The following AGMO variants were observed in gnomAD, a reference collection of about 807,000 sequenced individuals.
AGMO encodes glyceryl-ether monooxygenase.
AGMO carries 75 observed loss-of-function variants against 60.2 expected under a neutral mutation model. That is an observed-to-expected ratio of 1.25 (90% CI 1.03 to 1.51). AGMO has a LOEUF of 1.51. Ranked by LOEUF, AGMO falls within the 40% of genes most tolerant of loss-of-function variation. The pLI is 0.00. For synonymous variants in AGMO, 261 were observed against 177.1 expected (o/e 1.47, Z -3.76); for missense variants, 763 against 525.5 (o/e 1.45, Z -4.42).
chr7:15,352,272 C>G (rs1174248263), intron 12 of AGMO, among the ~76,000 whole-genome samples: 2 of 152,118 alleles, frequency 1.3e-5, no homozygotes, highest in African/African-American at 4.8e-5. Context: ...GGCCTCCCTA[C>G]TTGTCCTGCC....
chr7:15,545,308 A>C (rs547203915), intron 2 of AGMO, among the ~76,000 whole-genome samples: 39 of 152,258 alleles, frequency 2.6e-4, no homozygotes, highest in East Asian at 1.3e-3. Context: ...AGAATTCTTT[A>C]TAAAGGGAAT....
chr7:15,541,761 T>G (rs1784636787), intron 3 of AGMO, among the ~76,000 whole-genome samples: 1 of 152,168 alleles, frequency 6.6e-6, no homozygotes, highest in South Asian at 2.1e-4. Flanking sequence ...ACAACAAATC[T>G]AGCAATGATT....
the AGMO span, among the ~76,000 whole-genome samples, chr7:15,133,200 G>C: frequency 6.6e-6 from 1 of 152,168 alleles, no homozygotes; most frequent in Non-Finnish European, 1.5e-5. Context: ...GTGGGAAAGA[G>C]TATGCTAGGA....
the AGMO span, among the ~76,000 whole-genome samples, chr7:15,126,227 T>A: frequency 6.6e-6 from 1 of 152,128 alleles, no homozygotes; most frequent in African/African-American, 2.4e-5. Context: ...ACTCTTTAAG[T>A]CTGTTTTTTA....
chr7:15,352,630 C>G (rs1158327726), intron 12 of AGMO, among the ~76,000 whole-genome samples: 1 of 151,816 alleles, frequency 6.6e-6, no homozygotes, highest in Non-Finnish European at 1.5e-5. Context: ...ACATTCTGGC[C>G]TTGAGTTGAT....
intron 12 of AGMO, among the ~76,000 whole-genome samples, chr7:15,246,832 G>T (rs1490464319): frequency 6.6e-6 from 1 of 152,014 alleles, no homozygotes; most frequent in Admixed American, 6.6e-5. Flanking sequence ...CTTCTAAAAA[G>T]CATATTCTAT....
chr7:15,364,497 T>A (rs1220259803), intron 12 of AGMO, among the ~76,000 whole-genome samples: 6 of 152,050 alleles, frequency 3.9e-5, no homozygotes, highest in Non-Finnish European at 8.8e-5. Context: ...TATTAATGAA[T>A]AATAATTTCA....
At chr7:15,416,610 C>T (rs1016657431) in intron 5 of AGMO, among the ~76,000 whole-genome samples, 2 of 152,106 alleles carry the variant, frequency 1.3e-5, no homozygotes, top group African/African-American at 4.8e-5. Flanking sequence ...AAGAATGAAA[C>T]TCTATTCAGG....
chr7:15,372,124 T>G lies in AGMO; in HGVS notation c.1075-5902A>C, dbSNP rs114605865. 9.6e-3 allele frequency among the ~76,000 whole-genome samples: 1,438 copies of G among 150,388 alleles called. 28 individuals carry two copies. The highest frequency in any genetic ancestry group is 0.035 in the African/African-American group (1,405 of 40,590). On this transcript the variant is annotated intron_variant, in intron 10 of 12. Transcript: ENST00000342526. ...TTCTATATAGTATCCTTTGATAGACTACTAAGGGAGATAATCAGTTGAACG... is the reference window on the plus strand; with the variant it reads ...TTCTATATAGTATCCTTTGATAGACGACTAAGGGAGATAATCAGTTGAACG...
intron 12 of AGMO, among the ~76,000 whole-genome samples, chr7:15,316,554 T>C (rs1381361113): frequency 6.6e-6 from 1 of 152,134 alleles, no homozygotes; most frequent in Admixed American, 6.6e-5. Flanking sequence ...CATCTTTGCT[T>C]GGCCAAGAAT....
At chr7:15,236,678 A>ATATATATTTATATAT (rs1782431307) in intron 12 of AGMO, among the ~76,000 whole-genome samples, 3 of 152,116 alleles carry the variant, frequency 2.0e-5, no homozygotes, top group African/African-American at 2.4e-5. Flanking sequence ...ATATATGTTG[A>ATATATATTTATATAT]GGATATATGA....
chr7:15,493,878 G>A (rs1025510437), intron 3 of AGMO, among the ~76,000 whole-genome samples: 3 of 152,104 alleles, frequency 2.0e-5, no homozygotes, highest in Non-Finnish European at 4.4e-5. Flanking sequence ...GGAGTACATA[G>A]TAGGTATAAA....
At chr7:15,556,077 A>C (rs1785125101) in intron 2 of AGMO, among the ~76,000 whole-genome samples, 1 of 152,094 alleles carries the variant, frequency 6.6e-6, no homozygotes, top group Middle Eastern at 3.4e-3. Flanking sequence ...TTCATTTGTT[A>C]GGTCTGATTT....
chr7:15,547,048 T>C (rs889958233), intron 2 of AGMO, among the ~76,000 whole-genome samples: 1 of 152,196 alleles, frequency 6.6e-6, no homozygotes, highest in Non-Finnish European at 1.5e-5. Context: ...TAACAATTTC[T>C]CTAAAATAGG....
chr7:15,547,986 C>T (rs577533723), intron 2 of AGMO, among the ~76,000 whole-genome samples: 42 of 152,238 alleles, frequency 2.8e-4, no homozygotes, highest in African/African-American at 9.6e-4. Flanking sequence ...GGCAGACTGC[C>T]TCCTCAAGTG....
intron 3 of AGMO, among the ~76,000 whole-genome samples, chr7:15,463,441 C>T (rs755434280): frequency 6.6e-6 from 1 of 152,120 alleles, no homozygotes; most frequent in Non-Finnish European, 1.5e-5. Flanking sequence ...CACACTCACC[C>T]AAACTGGCGA....
chr7:15,393,314 C>A (rs1299225524), intron 6 of AGMO, among the ~76,000 whole-genome samples: 1 of 152,184 alleles, frequency 6.6e-6, no homozygotes, highest in Non-Finnish European at 1.5e-5. Context: ...CTTATAGAAA[C>A]AGAACAATAG....
intron 12 of AGMO, among the ~76,000 whole-genome samples, chr7:15,327,503 T>A (rs1256452119): frequency 6.6e-6 from 1 of 152,130 alleles, no homozygotes; most frequent in South Asian, 2.1e-4. Flanking sequence ...ACACCTAGAA[T>A]GCATCAGCCA....
In AGMO at chr7:15,354,471, T is replaced by C. The variant is rs1288627802; in HGVS notation, c.1263+11043A>G. On this transcript the variant is annotated intron_variant, in intron 12 of 12. Coordinates refer to ENST00000342526, the MANE Select transcript of AGMO (RefSeq NM_001004320.2). ...GTGTGTGTATACACACGTGTGTGTA[T>C]ACACACGTGTGTATATACACACGTG... Among the ~76,000 whole-genome samples, 15 of 23,628 alleles carry C rather than the reference T, an allele frequency of 6.3e-4. 1 individual carries two copies. The highest frequency in any genetic ancestry group is 5.1e-3 in the Admixed American group (11 of 2,140). 15.5% of individuals were successfully genotyped at this position (23,628 alleles called of 152,430 possible). A position where few individuals can be genotyped will look rare whatever the true frequency, so the allele number is the denominator to read the frequency against.
Sources: gnomAD v4.1 joint callset for allele counts (sites outside exome capture counted in the v4.1 genomes callset) on GRCh38, gnomAD v4.1.1 for gene constraint, MANE v1.5 for transcripts, NCBI Gene and HGNC (gene_info 2026-07-23, HGNC 2026-07-21) for gene names.